The following HCN4 variants were observed in gnomAD, a reference collection of about 807,000 sequenced individuals.
HCN4 encodes potassium/sodium hyperpolarization-activated cyclic nucleotide-gated channel 4.
A neutral mutation model predicts 76.9 loss-of-function variants in HCN4; 29 were observed. The observed-to-expected ratio is 0.38, with a 90% CI of 0.28 to 0.51. The LOEUF (loss-of-function observed/expected upper bound fraction) is 0.51, where lower values mean the gene tolerates loss of function less well. Among genes scored for constraint, HCN4 ranks in the 20% least tolerant of loss-of-function variants. The pLI is 0.90. For synonymous variants in HCN4, 772 were observed against 762.5 expected, an observed-to-expected ratio of 1.01 and a Z score of -0.21; for missense variants, 1,416 against 1,715.2, an observed-to-expected ratio of 0.83 and a Z score of 3.08.
Position 73,342,634 on chromosome 15 carries a change from G to A in HCN4, c.1209+751C>T, listed in dbSNP as rs564744818. Among the ~76,000 whole-genome samples the A allele has an allele frequency of 2.6e-5, 4 of 152,312 alleles. No individual in the cohort carries two copies. The East Asian group carries it at 7.7e-4, about 29-fold the overall frequency. ...CCCTCCAATGTCCAACCATTGCTTG[G>A]CTTCCTGCCTTTCCCTGTCCCTCTC... On this transcript the variant is annotated intron_variant, in intron 2 of 7. Transcript: ENST00000261917.
intron 2 of HCN4, among the ~76,000 whole-genome samples, chr15:73,336,123 A>G (rs1206955625): frequency 1.3e-5 from 2 of 152,106 alleles, no homozygotes; most frequent in Non-Finnish European, 1.5e-5. Flanking sequence ...AGGCTGGTCC[A>G]GGCTCTGAGC....
At chr15:73,364,925 T>C (rs533903887) in intron 1 of HCN4, among the ~76,000 whole-genome samples, 54 of 152,360 alleles carry the variant, frequency 3.5e-4, no homozygotes, top group Middle Eastern at 6.8e-3. Context: ...CAATCTATCA[T>C]TGTTTGCTGG....
In HCN4 at chr15:73,325,013, G is replaced by A; in HGVS notation, c.1920C>T (p.Val640=). 1 of 1,614,208 alleles carries A rather than the reference G, an allele frequency of 6.2e-7. No homozygotes were observed. ...KKMYFIQHGV[V]SVLTKGNKET... Reference sequence around the variant, plus strand: ...CCTTGTTGCCCTTGGTGAGCACGCTGACCACGCCATGCTGGATGAAGTACA... The same window carrying A: ...CCTTGTTGCCCTTGGTGAGCACGCTAACCACGCCATGCTGGATGAAGTACA... Residue 640 remains valine (V), a synonymous_variant, in exon 6 of 8, where the codon GTC becomes GTT. Transcript: ENST00000261917. This position sits in a 1 kb window ranked among gnomAD's most constrained non-coding sequence, Gnocchi z 7.4.
rs1210642548 is a variant in HCN4 at position 73,341,325 on chromosome 15, A to ACT, written c.1209+2059_1209+2060insAG. ...CTGGCTAATTTTTTGTATTTTTAGT[A>ACT]GAGACGGGGTTTCACCACGTTGGCC... On this transcript the variant is annotated intron_variant, in intron 2 of 7. Transcript: ENST00000261917. Among the ~76,000 whole-genome samples, 5 of 151,288 alleles carry ACT rather than the reference A, an allele frequency of 3.3e-5. No individual in the cohort carries two copies. The East Asian group carries it at 9.7e-4, about 29-fold the overall frequency.
rs375788137 is a variant in HCN4 at position 73,323,103 on chromosome 15, G to T, written c.2990C>A (p.Pro997His). Residue 997 changes from proline to histidine, a missense_variant, in exon 8 of 8, where the codon CCC becomes CAC. This residue lies in a region of HCN4 where 633 missense variants were observed against 579.8 expected (regional missense o/e 1.09). Coordinates refer to ENST00000261917, the MANE Select transcript of HCN4 (RefSeq NM_005477.3). ...ATGPLSTPET[P>H]PRQPEPPSLV... is the part of the protein sequence containing the mutation. ...GGACGGCGGCTCAGGCTGCCGTGGGGGTGTCTCTGGCGTGCTCAGTGGGCC... is the reference window on the plus strand; with the variant it reads ...GGACGGCGGCTCAGGCTGCCGTGGGTGTGTCTCTGGCGTGCTCAGTGGGCC... 3.8e-6 allele frequency: 6 copies of T among 1,591,328 alleles called. No homozygotes were observed. The African/African-American group carries it at 8.1e-5, about 21-fold the overall frequency.
chr15:73,329,192 G>A (rs2042917353), intron 4 of HCN4, among the ~76,000 whole-genome samples: 1 of 152,154 alleles, frequency 6.6e-6, no homozygotes, highest in Non-Finnish European at 1.5e-5. Flanking sequence ...CAGGGGACTG[G>A]CCAGAGGGGC....
chr15:73,327,840 C>T (rs571381279), intron 4 of HCN4, among the ~76,000 whole-genome samples: 2 of 152,314 alleles, frequency 1.3e-5, no homozygotes, highest in South Asian at 4.1e-4. Flanking sequence ...TGCCTCCCAG[C>T]TCTGTAGGCT....
Position 73,322,494 on chromosome 15 carries a change from G to A in HCN4, c.3599C>T (p.Pro1200Leu), listed in dbSNP as rs542636933. The change falls in exon 8 of 8, where the codon CCA becomes CTA. Residue 1200 changes from proline to leucine, a missense_variant. Physicochemically the swap from Pro to Leu is moderately conservative, Grantham distance 98. Transcript: ENST00000261917. ...GAAGGGCCCAGCTCATAGATTGGAT[G>A]GCAGTTTGGAGCGCACTGGCTCAGG... ...ARPEPVRSKL[P>L]SNL 27 of 1,595,648 alleles carry A rather than the reference G, an allele frequency of 1.7e-5. No individual in the cohort carries two copies. The highest frequency in any genetic ancestry group is 1.7e-4 in the Middle Eastern group (1 of 6,030).
intron 1 of HCN4, among the ~76,000 whole-genome samples, chr15:73,364,055 C>T (rs2043117979): frequency 6.6e-6 from 1 of 152,158 alleles, no homozygotes; most frequent in South Asian, 2.1e-4. Flanking sequence ...TTTTGGAGCC[C>T]AGCTCTTTCT....
chr15:73,349,183 C>T (rs2043041903), intron 1 of HCN4, among the ~76,000 whole-genome samples: 1 of 152,064 alleles, frequency 6.6e-6, no homozygotes, highest in South Asian at 2.1e-4. Context: ...ACTCATATGC[C>T]CTCTGGGTTA....
At chr15:73,366,333 T>G (rs2043128179) in intron 1 of HCN4, among the ~76,000 whole-genome samples, 1 of 152,078 alleles carries the variant, frequency 6.6e-6, no homozygotes, top group Non-Finnish European at 1.5e-5. Context: ...CAAAGAGGGC[T>G]CTGGGTTGGC....
At chr15:73,362,321 A>G (rs915203395) in intron 1 of HCN4, among the ~76,000 whole-genome samples, 1 of 152,222 alleles carries the variant, frequency 6.6e-6, no homozygotes, top group Non-Finnish European at 1.5e-5. Flanking sequence ...CAGGGAGCTC[A>G]GTTTGGGAGC....
At position 73,321,951 on chromosome 15, in the gene HCN4, T is replaced by C. The variant is rs2042861450; in HGVS notation, c.*530A>G. 5.4e-6 allele frequency: 1 copy of C among 186,086 alleles called. No homozygotes were observed. The highest frequency in any genetic ancestry group is 1.2e-4 in the South Asian group (1 of 8,604). The allele number at this position is 186,086 out of a possible 1,614,324, so 11.5% of individuals were successfully genotyped here. On this transcript the variant is annotated 3_prime_UTR_variant, in exon 8 of 8. Transcript: ENST00000261917. ...ATACATATACATATTCATATACAGA[T>C]CTTGCTACGTTTACAGTAGAAAAAA... is the stretch of plus-strand genomic sequence containing the variant.
At position 73,324,180 on chromosome 15, in the gene HCN4, C is replaced by T. The variant is rs765928740; in HGVS notation, c.2052G>A (p.Leu684=). 6.2e-7 allele frequency: 1 copy of T among 1,614,126 alleles called. No homozygotes were observed. Among genetic ancestry groups the T allele is most frequent in the Admixed American group, 1.7e-5 (1 of 60,026 alleles). The part of the protein sequence containing the change: ...RADTYCRLYS[L]SVDNFNEVLE... ...GCACCTCATTGAAGTTGTCCACGCT[C>T]AGCGAGTAGAGGCGGCAGTAGGTGT... The change falls in exon 7 of 8, where the codon CTG becomes CTA. Residue 684 remains leucine, a synonymous_variant. Transcript: ENST00000261917.
At chr15:73,351,019 G>A (rs1052675204) in intron 1 of HCN4, among the ~76,000 whole-genome samples, 2 of 152,106 alleles carry the variant, frequency 1.3e-5, no homozygotes, top group Non-Finnish European at 2.9e-5. Context: ...TCCTCAGCAC[G>A]TCACCAATAT....
intron 1 of HCN4, among the ~76,000 whole-genome samples, chr15:73,357,553 T>G (rs1340048646): frequency 6.6e-6 from 1 of 152,086 alleles, no homozygotes; most frequent in Non-Finnish European, 1.5e-5. Context: ...GAGGGGAGGC[T>G]GGGAGGAGAG....
chr15:73,368,077 G>A lies in HCN4; in HGVS notation c.194C>T (p.Thr65Met), dbSNP rs760387977. 7.4e-6 allele frequency: 11 copies of A among 1,487,562 alleles called. No homozygotes were observed. The South Asian group carries it at 1.3e-4, about 17-fold the overall frequency. 92.1% of individuals were successfully genotyped at this position (1,487,562 alleles called of 1,614,324 possible). A position where few individuals can be genotyped will look rare whatever the true frequency, so the allele number is the denominator to read the frequency against. ...CCCGAGGGCCGAGCTCCGGGACTCC[G>A]TGCCACCCGCGGCCGCCGAGGGGGA... is the stretch of plus-strand genomic sequence containing the variant. ...SPSPSAAAGG[T>M]ESRSSALGAA... Residue 65 changes from threonine (T) to methionine (M), a missense_variant, in exon 1 of 8, where the codon ACG becomes ATG. This residue lies in a region of HCN4 where 355 missense variants were observed against 347.8 expected (regional missense o/e 1.02). Transcript: ENST00000261917. This position sits in a 1 kb window ranked among gnomAD's most constrained non-coding sequence, Gnocchi z 6.9.
chr15:73,342,784 A>T (rs2043012376), intron 2 of HCN4, among the ~76,000 whole-genome samples: 1 of 152,220 alleles, frequency 6.6e-6, no homozygotes, highest in Non-Finnish European at 1.5e-5. Flanking sequence ...AATTTGTATA[A>T]AAATCCAGAT....
intron 1 of HCN4, among the ~76,000 whole-genome samples, chr15:73,362,497 G>A (rs193012333): frequency 6.6e-5 from 10 of 152,338 alleles, no homozygotes; most frequent in Non-Finnish European, 1.3e-4. Context: ...GAACAAGATC[G>A]CCGGGTGAGT....
Sources: allele counts gnomAD v4.1 joint callset (sites outside exome capture counted in the v4.1 genomes callset), GRCh38; gene constraint gnomAD v4.1.1; regional missense constraint gnomAD v4.1.1; non-coding constraint Gnocchi (gnomAD v3.1); transcripts MANE v1.5; gene names NCBI Gene and HGNC (gene_info 2026-07-23, HGNC 2026-07-21).